ERBB4: variants seen among roughly 807,000 people sequenced by gnomAD.
ERBB4 encodes the protein erb-b2 receptor tyrosine kinase 4.
A neutral mutation model predicts 158.0 loss-of-function variants in ERBB4; 42 were observed. That is an observed-to-expected ratio of 0.27 (90% CI 0.21 to 0.34). The LOEUF (loss-of-function observed/expected upper bound fraction) is 0.34. Ranked by LOEUF, ERBB4 falls within the 10% of genes least tolerant of loss-of-function variation. ERBB4 has a pLI of 1.00. For missense variants in ERBB4, 1,333 were observed against 1,624.1 expected, an observed-to-expected ratio of 0.82 and a Z score of 3.08; for synonymous variants, 583 against 558.7, an observed-to-expected ratio of 1.04 and a Z score of -0.61.
At chr2:211,802,414 A>G (rs1410680279) in intron 3 of ERBB4, among the ~76,000 whole-genome samples, 1 of 152,198 alleles carries the variant, frequency 6.6e-6, no homozygotes, top group Non-Finnish European at 1.5e-5. Context: ...CTAAAAAGCT[A>G]TAATATTTTG....
intron 1 of ERBB4, among the ~76,000 whole-genome samples, chr2:212,235,463 G>C (rs564192142): frequency 6.6e-6 from 1 of 152,140 alleles, no homozygotes; most frequent in Admixed American, 6.5e-5. Flanking sequence ...CTCTTTTTTC[G>C]TTCCATATAA....
At chr2:212,080,676 TAAAAA>T (rs5838296) in intron 2 of ERBB4, among the ~76,000 whole-genome samples, 3,103 of 139,368 alleles carry the variant, frequency 0.022, 121 homozygotes, top group African/African-American at 0.079. Context: ...GTATAAATAG[TAAAAA>T]AAAAAAAAAA....
chr2:212,038,850 T>C (rs573564237), intron 2 of ERBB4, among the ~76,000 whole-genome samples: 1 of 152,274 alleles, frequency 6.6e-6, no homozygotes, highest in African/African-American at 2.4e-5. Context: ...CCTCATTTCA[T>C]GGATATGAAC....
At chr2:212,238,767 A>G (rs2106006293) in intron 1 of ERBB4, among the ~76,000 whole-genome samples, 1 of 152,282 alleles carries the variant, frequency 6.6e-6, no homozygotes, top group East Asian at 1.9e-4. Context: ...GGTAAATGAT[A>G]CAGCTATCAG....
chr2:211,983,027 C>T (rs2081847602), intron 2 of ERBB4, among the ~76,000 whole-genome samples: 1 of 152,112 alleles, frequency 6.6e-6, no homozygotes, highest in South Asian at 2.1e-4. Context: ...TACCATTTTG[C>T]CAATTCTCCT....
At chr2:211,615,801 C>A (rs1190435519) in intron 19 of ERBB4, among the ~76,000 whole-genome samples, 1 of 152,000 alleles carries the variant, frequency 6.6e-6, no homozygotes, top group Non-Finnish European at 1.5e-5. Context: ...ACCAGTAAAG[C>A]ACAGCTATGT....
chr2:211,975,333 C>G (rs550528244), intron 2 of ERBB4, among the ~76,000 whole-genome samples: 3 of 152,280 alleles, frequency 2.0e-5, no homozygotes, highest in African/African-American at 7.2e-5. Flanking sequence ...CTATCATAAC[C>G]TATTCTAGTG....
At chr2:211,559,693 C>G (rs1035959698) in intron 20 of ERBB4, among the ~76,000 whole-genome samples, 2 of 152,172 alleles carry the variant, frequency 1.3e-5, no homozygotes, top group Admixed American at 1.3e-4. Flanking sequence ...TTAATTCTTT[C>G]ATTTGTTGAA....
In ERBB4 at chr2:211,773,633, T is replaced by TA. The variant is rs1553630517; in HGVS notation, c.556+14391dup. Among the ~76,000 whole-genome samples the TA allele has an allele frequency of 8.6e-4, 88 of 102,836 alleles. 3 individuals carry two copies. Among genetic ancestry groups the TA allele is most frequent in the Admixed American group, 2.3e-3 (23 of 9,980 alleles). The allele number at this position is 102,836 out of a possible 152,430, so 67.5% of individuals were successfully genotyped here. ...ATATATATATATATATATATATATA[T>TA]ATATATATATATATAATATATATAC... On this transcript the variant is annotated intron_variant, in intron 4 of 27. Coordinates refer to ENST00000342788, the MANE Select transcript of ERBB4 (RefSeq NM_005235.3).
intron 1 of ERBB4, among the ~76,000 whole-genome samples, chr2:212,191,974 T>TTATATATGTTATATATGTTA (rs1559706355): frequency 1.9e-5 from 2 of 105,210 alleles, no homozygotes; most frequent in South Asian, 3.2e-4. Context: ...ATGTTATATG[T>TTATATATGTTATATATGTTA]TATATATGTT....
chr2:212,167,147 G>A (rs1016579095), intron 1 of ERBB4, among the ~76,000 whole-genome samples: 2 of 152,064 alleles, frequency 1.3e-5, no homozygotes, highest in African/African-American at 2.4e-5. Flanking sequence ...TCATCAGAGT[G>A]AACAGGCAAC....
chr2:211,980,308 G>C (rs1380164725), intron 2 of ERBB4, among the ~76,000 whole-genome samples: 2 of 152,148 alleles, frequency 1.3e-5, no homozygotes. Flanking sequence ...ACTTTTGAGA[G>C]ATTCTTGAAA....
At chr2:212,195,702 A>C (rs556771722) in intron 1 of ERBB4, among the ~76,000 whole-genome samples, 1 of 152,074 alleles carries the variant, frequency 6.6e-6, no homozygotes, top group African/African-American at 2.4e-5. Flanking sequence ...CAACAAAAAC[A>C]TGGCTTACCA....
At chr2:212,040,688 C>T (rs2077120469) in intron 2 of ERBB4, among the ~76,000 whole-genome samples, 3 of 152,072 alleles carry the variant, frequency 2.0e-5, no homozygotes, top group Admixed American at 2.0e-4. Flanking sequence ...TATTCATGTA[C>T]ACTGAGTAGT....
At chr2:212,105,538 T>C (rs1205308194) in intron 2 of ERBB4, among the ~76,000 whole-genome samples, 1 of 152,220 alleles carries the variant, frequency 6.6e-6, no homozygotes, top group Non-Finnish European at 1.5e-5. Flanking sequence ...TTCTTACTTA[T>C]GATGGAGATA....
At chr2:211,919,609 A>T (rs1431794445) in intron 3 of ERBB4, among the ~76,000 whole-genome samples, 2 of 152,030 alleles carry the variant, frequency 1.3e-5, no homozygotes, top group African/African-American at 2.4e-5. Flanking sequence ...GAAATGGAAC[A>T]GTTTAAAATG....
chr2:211,446,641 AT>A (rs549964097), intron 20 of ERBB4, among the ~76,000 whole-genome samples: 28 of 152,172 alleles, frequency 1.8e-4, no homozygotes, highest in South Asian at 8.3e-4. Flanking sequence ...CATTTAAAAA[AT>A]AAAGTCAGTT....
chr2:211,919,635 C>G (rs1324025432), intron 3 of ERBB4, among the ~76,000 whole-genome samples: 2 of 151,942 alleles, frequency 1.3e-5, no homozygotes, highest in Non-Finnish European at 2.9e-5. Flanking sequence ...TGACCACAGG[C>G]AGGATTAGCA....
intron 2 of ERBB4, among the ~76,000 whole-genome samples, chr2:212,046,642 T>C (rs951337189): frequency 1.3e-5 from 2 of 152,220 alleles, no homozygotes; most frequent in Non-Finnish European, 2.9e-5. Context: ...GTGATTCTTA[T>C]ATTTTTCCAC....
Sources: allele counts gnomAD v4.1 joint callset (sites outside exome capture counted in the v4.1 genomes callset), GRCh38; gene constraint gnomAD v4.1.1; transcripts MANE v1.5; gene names NCBI Gene and HGNC (gene_info 2026-07-23, HGNC 2026-07-21).